Variants in GALNT17 observed in about 807,000 individuals in gnomAD.
GALNT17 encodes UDP-GalNAc:polypeptide N-acetylgalactosaminyltransferase-like 3.
GALNT17 carries 29 observed loss-of-function variants against 63.7 expected under a neutral mutation model. The observed-to-expected ratio is 0.46, with a 90% CI of 0.34 to 0.62. The LOEUF (loss-of-function observed/expected upper bound fraction) is 0.62, where lower values mean the gene tolerates loss of function less well. Among genes scored for constraint, GALNT17 ranks in the 20% least tolerant of loss-of-function variants. The pLI is 0.01. For synonymous variants in GALNT17, 305 were observed against 318.3 expected, an observed-to-expected ratio of 0.96 and a Z score of 0.45; for missense variants, 603 against 799.6, an observed-to-expected ratio of 0.75 and a Z score of 2.97.
chr7:71,147,985 TGTCAGAATTA>T (rs1312537850), intron 1 of GALNT17, among the ~76,000 whole-genome samples: 1 of 152,180 alleles, frequency 6.6e-6, no homozygotes, highest in Non-Finnish European at 1.5e-5. Context: ...CTGACCACCT[TGTCAGAATTA>T]AATGTCCTTT....
chr7:71,343,999 G>A (rs1324315529), intron 2 of GALNT17, among the ~76,000 whole-genome samples: 1 of 151,886 alleles, frequency 6.6e-6, no homozygotes. Context: ...CAATCTGCCA[G>A]GCACTGTGCC....
intron 5 of GALNT17, among the ~76,000 whole-genome samples, chr7:71,511,774 C>A (rs528039442): frequency 3.9e-5 from 6 of 152,274 alleles, no homozygotes; most frequent in African/African-American, 1.2e-4. Context: ...AGGTGGCAGT[C>A]CTGCATATCA....
chr7:71,439,192 GC>G (rs369758630), intron 5 of GALNT17, among the ~76,000 whole-genome samples: 3 of 152,146 alleles, frequency 2.0e-5, no homozygotes, highest in African/African-American at 7.2e-5. Flanking sequence ...ACTGCGCCCA[GC>G]CAGGCCAGGA....
chr7:71,649,807 A>T (rs1584112345), intron 6 of GALNT17, among the ~76,000 whole-genome samples: 1 of 152,314 alleles, frequency 6.6e-6, no homozygotes, highest in South Asian at 2.1e-4. Context: ...ATCAATGTCT[A>T]ACCATAATTC....
rs943962355 is a variant in GALNT17, at chr7:71,509,450, G to A, written c.963-61835G>A. On this transcript the variant is annotated intron_variant, in intron 5 of 10. Coordinates refer to ENST00000333538, the MANE Select transcript of GALNT17 (RefSeq NM_022479.3). The stretch of plus-strand genomic sequence containing the variant: ...AACCCCTATCTCTGTTAATACTTGT[G>A]CTCAGCCCCATTCTGGGTATTTATA... Among the ~76,000 whole-genome samples, 5 of 152,194 alleles carry A rather than the reference G, an allele frequency of 3.3e-5. No individual in the cohort carries two copies. The South Asian group carries it at 6.2e-4, about 19-fold the overall frequency.
intron 1 of GALNT17, among the ~76,000 whole-genome samples, chr7:71,244,962 A>T (rs925668286): frequency 6.6e-6 from 1 of 151,954 alleles, no homozygotes; most frequent in African/African-American, 2.4e-5. Flanking sequence ...GAAAAAAAAA[A>T]ATCAACCAAA....
chr7:71,150,684 G>C (rs867026372), intron 1 of GALNT17, among the ~76,000 whole-genome samples: 28 of 151,768 alleles, frequency 1.8e-4, no homozygotes, highest in Admixed American at 8.5e-4. Context: ...CTAATTTTTT[G>C]TATTTTTAGT....
At chr7:71,355,325 T>C (rs897417441) in intron 2 of GALNT17, among the ~76,000 whole-genome samples, 1 of 152,210 alleles carries the variant, frequency 6.6e-6, no homozygotes, top group African/African-American at 2.4e-5. Context: ...TTTTAAGGCT[T>C]TGAATGTTTT....
intron 8 of GALNT17, among the ~76,000 whole-genome samples, chr7:71,672,583 A>G (rs777165405): frequency 6.6e-6 from 1 of 150,762 alleles, no homozygotes; most frequent in Non-Finnish European, 1.5e-5. Context: ...CTTTTTTTTG[A>G]AACAGTCACC....
Position 71,446,038 on chromosome 7 carries a change from G to A in GALNT17, c.962+24933G>A, listed in dbSNP as rs183970449. Among the ~76,000 whole-genome samples, 594 of 152,278 alleles carry A rather than the reference G, an allele frequency of 3.9e-3. 3 individuals are homozygous for A. Among genetic ancestry groups the A allele is most frequent in the Middle Eastern group, 6.8e-3 (2 of 294 alleles). The stretch of plus-strand genomic sequence containing the variant: ...CTTGAAGAAGCTTGAAATTGCAGAG[G>A]CTTAAATCTTAAATTATATGAGGAG... On this transcript the variant is annotated intron_variant, in intron 5 of 10. Coordinates refer to ENST00000333538, the MANE Select transcript of GALNT17 (RefSeq NM_022479.3).
chr7:71,151,473 TAGTC>T (rs1376552629), intron 1 of GALNT17, among the ~76,000 whole-genome samples: 2 of 151,784 alleles, frequency 1.3e-5, no homozygotes, highest in African/African-American at 4.8e-5. Context: ...TACAAAAAAT[TAGTC>T]AGGCGTGGTG....
At chr7:71,266,085 T>C (rs915601014) in intron 1 of GALNT17, among the ~76,000 whole-genome samples, 3 of 152,132 alleles carry the variant, frequency 2.0e-5, no homozygotes, top group Non-Finnish European at 2.9e-5. Context: ...CATCTGTGGC[T>C]GCATCACTTT....
intron 5 of GALNT17, among the ~76,000 whole-genome samples, chr7:71,529,116 C>A (rs1468766470): frequency 6.6e-6 from 1 of 152,042 alleles, no homozygotes; most frequent in Non-Finnish European, 1.5e-5. Context: ...GCCTGGGTGA[C>A]AGACCAAGAC....
chr7:71,203,006 A>G (rs1201997494), intron 1 of GALNT17, among the ~76,000 whole-genome samples: 1 of 152,164 alleles, frequency 6.6e-6, no homozygotes, highest in Non-Finnish European at 1.5e-5. Context: ...ACACACACAC[A>G]CATACATACA....
intron 6 of GALNT17, among the ~76,000 whole-genome samples, chr7:71,608,376 G>T (rs1312480444): frequency 6.6e-6 from 1 of 152,152 alleles, no homozygotes; most frequent in Non-Finnish European, 1.5e-5. Flanking sequence ...AGGGGGAAGG[G>T]ACAGGACTTG....
At chr7:71,299,967 A>T (rs1791163904) in intron 1 of GALNT17, among the ~76,000 whole-genome samples, 1 of 151,934 alleles carries the variant, frequency 6.6e-6, no homozygotes, top group South Asian at 2.1e-4. Flanking sequence ...GGTTTCACCA[A>T]ATTGATAATC....
intron 2 of GALNT17, among the ~76,000 whole-genome samples, chr7:71,376,950 G>A (rs1042681730): frequency 2.7e-5 from 4 of 150,922 alleles, no homozygotes; most frequent in African/African-American, 9.8e-5. Flanking sequence ...GCCAAGCGAG[G>A]TGGTACACAC....
chr7:71,570,847 C>T (rs960965471), intron 5 of GALNT17, among the ~76,000 whole-genome samples: 8 of 151,980 alleles, frequency 5.3e-5, no homozygotes, highest in African/African-American at 1.7e-4. Flanking sequence ...TGCATGGTGG[C>T]GCATCCTGTA....
Position 71,409,198 on chromosome 7 carries a change from T to C in GALNT17, c.590-6691T>C, listed in dbSNP as rs183508473. ...TCGTAGGCAGTGGGGAAAGTGGAGA[T>C]GGACAGGGCAACACTGGGATTCTGG... On this transcript the variant is annotated intron_variant, in intron 3 of 10. Transcript: ENST00000333538. 2.5e-4 allele frequency among the ~76,000 whole-genome samples: 38 copies of C among 152,140 alleles called. 4 individuals are homozygous for C. The East Asian group carries it at 2.9e-3, about 12-fold the overall frequency.
Sources: allele counts gnomAD v4.1 joint callset (sites outside exome capture counted in the v4.1 genomes callset), GRCh38; gene constraint gnomAD v4.1.1; transcripts MANE v1.5; gene names NCBI Gene and HGNC (gene_info 2026-07-23, HGNC 2026-07-21).